Variants in REXO1 observed in about 807,000 individuals in gnomAD.
REXO1 encodes the protein REX1, RNA exonuclease 1 homolog.
In REXO1, 42 loss-of-function variants were observed where a neutral mutation model predicts 102.6. That is an observed-to-expected ratio of 0.41 (90% CI 0.32 to 0.53). REXO1 has a LOEUF of 0.53. Among genes scored for constraint, REXO1 ranks in the 20% least tolerant of loss-of-function variants. REXO1 has a pLI of 0.27. For synonymous variants in REXO1, 908 were observed against 779.1 expected (o/e 1.17, Z -2.76); for missense variants, 1,819 against 1,732.5 (o/e 1.05, Z -0.89).
Position 1,817,248 on chromosome 19 carries a change from G to C in REXO1, c.3172C>G (p.Pro1058Ala), listed in dbSNP as rs530871935. 1 of 1,613,060 alleles carries C rather than the reference G, an allele frequency of 6.2e-7. No homozygotes were observed. The highest frequency in any genetic ancestry group is 1.3e-5 in the African/African-American group (1 of 75,044). ...FEKELSGDTHPGIYALDCEMS... is the reference protein window; with the variant it reads ...FEKELSGDTHAGIYALDCEMS... ...TCGCAGTCCAGGGCGTAGATCCCCG[G>C]GTGGGTGTCTCCTGAGAGCTCTTTC... The change falls in exon 12 of 16, where the codon CCG becomes GCG. Residue 1058 changes from proline (P) to alanine (A), a missense_variant. Physicochemically the swap from Pro to Ala is conservative, Grantham distance 27 (BLOSUM62 -1). Transcript: ENST00000170168.
chr19:1,817,824 C>T (rs1180875065), intron 10 of REXO1, 44 bp from the exon 11 acceptor site: 1 of 1,537,684 alleles, frequency 6.5e-7, no homozygotes, highest in Non-Finnish European at 8.9e-7. Context: ...GCCAGGCCCA[C>T]TCCACAGCCC....
At chr19:1,835,549 CACAT>C (rs746926702) in intron 1 of REXO1, among the ~76,000 whole-genome samples, 1 of 152,056 alleles carries the variant, frequency 6.6e-6, no homozygotes, top group African/African-American at 2.4e-5. Context: ...CATGCATACA[CACAT>C]ACATACATAC....
intron 1 of REXO1, among the ~76,000 whole-genome samples, chr19:1,840,166 T>C (rs1248300454): frequency 6.6e-6 from 1 of 152,222 alleles, no homozygotes; most frequent in Non-Finnish European, 1.5e-5. Flanking sequence ...ACACGCTCTC[T>C]GCCACCTTCC....
At chr19:1,840,706 T>A (rs2011237906) in intron 1 of REXO1, among the ~76,000 whole-genome samples, 1 of 150,768 alleles carries the variant, frequency 6.6e-6, no homozygotes, top group East Asian at 2.0e-4. Flanking sequence ...CAACTCCAAG[T>A]GACAGCTGCC....
rs1422232148 is a variant in REXO1 at position 1,815,320 on chromosome 19, A to AGGAGGACGGGGCTCTAGCG, written c.*727_*745dup. The AGGAGGACGGGGCTCTAGCG allele has an allele frequency of 1.9e-5, 3 of 154,422 alleles. No individual in the cohort carries two copies. Among genetic ancestry groups the AGGAGGACGGGGCTCTAGCG allele is most frequent in the Admixed American group, 1.9e-4 (3 of 15,630 alleles). 9.6% of individuals were successfully genotyped at this position (154,422 alleles called of 1,614,324 possible). On this transcript the variant is annotated 3_prime_UTR_variant, in exon 16 of 16. Transcript: ENST00000170168. This position sits in a 1 kb window ranked among gnomAD's most constrained non-coding sequence, Gnocchi z 4.0. ...GAAGGGGGTCCGGAGAGCCCCGCAG[A>AGGAGGACGGGGCTCTAGCG]GGAGGACGGGGCTCTAGCGGGAAGA...
intron 3 of REXO1, among the ~76,000 whole-genome samples, chr19:1,825,322 A>C (rs1292142389): frequency 4.5e-5 from 6 of 133,120 alleles, no homozygotes; most frequent in Admixed American, 7.5e-5. Context: ...AAAAAAAAAA[A>C]CAACCAAAAA....
intron 10 of REXO1, among the ~76,000 whole-genome samples, chr19:1,818,202 G>A (rs1215876922): frequency 6.6e-6 from 1 of 152,228 alleles, no homozygotes; most frequent in Non-Finnish European, 1.5e-5. Context: ...ACATTTCCAT[G>A]GACCAAGGGC....
intron 14 of REXO1, 34 bp from the exon 15 acceptor site, chr19:1,816,379 G>T: frequency 6.3e-7 from 1 of 1,595,776 alleles, no homozygotes; most frequent in Non-Finnish European, 8.5e-7. Flanking sequence ...CGCACGTGGG[G>T]CCTGCGCAGG....
chr19:1,815,940 C>T lies in REXO1; in HGVS notation c.*126G>A, dbSNP rs1465934193. 4 of 1,535,112 alleles carry T rather than the reference C, an allele frequency of 2.6e-6. No homozygotes were observed. Among genetic ancestry groups the T allele is most frequent in the Non-Finnish European group, 3.5e-6 (4 of 1,146,532 alleles). ...GGGCGTTCTCTGGCCGCCAGCTCAT[C>T]CCGCTGCTCTGGGCTGCCTCGGCCA... On this transcript the variant is annotated 3_prime_UTR_variant, in exon 16 of 16. Transcript: ENST00000170168. The surrounding 1 kb of genome is among the most constrained non-coding windows in gnomAD (Gnocchi z 4.0).
rs766899627 is a variant in REXO1 at position 1,823,688 on chromosome 19, G to A, written c.2114C>T (p.Ser705Leu). The A allele has an allele frequency of 8.1e-5, 104 of 1,287,300 alleles. No homozygotes were observed. The highest frequency in any genetic ancestry group is 9.5e-5 in the Non-Finnish European group (96 of 1,009,536). The allele number at this position is 1,287,300 out of a possible 1,614,324, so 79.7% of individuals were successfully genotyped here. A position where few individuals can be genotyped will look rare whatever the true frequency, so the allele number is the denominator to read the frequency against. ...GGCGGGGGCCTGCAGCAAGCTCGCCGATGCCCTCTGCGCCTGCTGGGCCCG... is the reference window on the plus strand; with the variant it reads ...GGCGGGGGCCTGCAGCAAGCTCGCCAATGCCCTCTGCGCCTGCTGGGCCCG... ...YLRAQQAQRA[S>L]ASLLQAPARL... is the part of the protein sequence containing the mutation. Residue 705 changes from serine (S) to leucine (L), a missense_variant, in exon 4 of 16, where the codon TCG becomes TTG. Ser to Leu is a moderately radical substitution (Grantham distance 145). Transcript: ENST00000170168.
chr19:1,825,516 C>T (rs2069689006), intron 3 of REXO1, among the ~76,000 whole-genome samples: 1 of 151,136 alleles, frequency 6.6e-6, no homozygotes, highest in African/African-American at 2.4e-5. Flanking sequence ...TGCTCTATCA[C>T]CCAGGCTGGA....
Position 1,827,751 on chromosome 19 carries a change from C to A in REXO1, c.1038G>T (p.Val346=), listed in dbSNP as rs1402192316. ...TGGCTGGGGGCGGCTGGAGGTCCCC[C>A]ACGTCGCACTGCACGGCCGTCTCCT... ...ETKETAVQCD[V]GDLQPPPAKP... The change falls in exon 2 of 16, where the codon GTG becomes GTT. Residue 346 remains valine, a synonymous_variant. Transcript: ENST00000170168. The A allele has an allele frequency of 6.4e-7, 1 of 1,571,218 alleles. No homozygotes were observed. Among genetic ancestry groups the A allele is most frequent in the East Asian group, 2.2e-5 (1 of 44,458 alleles).
intron 1 of REXO1, among the ~76,000 whole-genome samples, chr19:1,840,413 G>A (rs1008255327): frequency 5.9e-5 from 9 of 152,106 alleles, no homozygotes; most frequent in Non-Finnish European, 1.2e-4. Flanking sequence ...CCGCAGGAGC[G>A]CTCCCAGGCT....
rs375017589 is a variant in REXO1 at position 1,821,558 on chromosome 19, G to A, written c.2355C>T (p.Thr785=). ...LSGMASKTTT[T]IIPKRIAHSP... ...TGTGGGCGATTCGCTTAGGGATGAT[G>A]GTGGTGGTAGTCTTGGACGCCATCC... is the stretch of plus-strand genomic sequence containing the variant. The change falls in exon 5 of 16, where the codon ACC becomes ACT. Residue 785 remains threonine (T), a synonymous_variant. Coordinates refer to ENST00000170168, the MANE Select transcript of REXO1 (RefSeq NM_020695.4). 2.5e-6 allele frequency: 4 copies of A among 1,613,946 alleles called. No individual in the cohort carries two copies. Among genetic ancestry groups the A allele is most frequent in the Admixed American group, 1.7e-5 (1 of 60,012 alleles).
intron 1 of REXO1, among the ~76,000 whole-genome samples, chr19:1,845,258 G>A (rs929907628): frequency 2.6e-5 from 4 of 152,190 alleles, no homozygotes; most frequent in Admixed American, 1.3e-4. Context: ...GATAGAACGT[G>A]CCCCTCTAGG....
chr19:1,822,287 T>C, intron 4 of REXO1: 1 of 171,360 alleles, frequency 5.8e-6, no homozygotes, highest in Non-Finnish European at 1.2e-5. Context: ...TCCCTCGAAA[T>C]GCCATCTGGC....
chr19:1,833,220 GTC>G (rs1399236521), intron 1 of REXO1, among the ~76,000 whole-genome samples: 1 of 152,190 alleles, frequency 6.6e-6, no homozygotes, highest in African/African-American at 2.4e-5. Flanking sequence ...GCAAGATCCT[GTC>G]TCTAAAACAA....
At chr19:1,845,264 C>T (rs1311763429) in intron 1 of REXO1, among the ~76,000 whole-genome samples, 1 of 152,196 alleles carries the variant, frequency 6.6e-6, no homozygotes, top group Non-Finnish European at 1.5e-5. Flanking sequence ...ACGTGCCCCT[C>T]TAGGCCGGGG....
chr19:1,830,713 T>C, intron 1 of REXO1: 1 of 245,630 alleles, frequency 4.1e-6, no homozygotes, highest in South Asian at 3.3e-5. Flanking sequence ...TGCCCGTCAC[T>C]GAGGGGGCCA....
Sources: gnomAD v4.1 joint callset for allele counts (sites outside exome capture counted in the v4.1 genomes callset) on GRCh38, gnomAD v4.1.1 for gene constraint, Gnocchi (gnomAD v3.1) non-coding constraint, MANE v1.5 for transcripts, NCBI Gene and HGNC (gene_info 2026-07-23, HGNC 2026-07-21) for gene names.